PAPOLG: variants seen among roughly 807,000 people sequenced by gnomAD.
PAPOLG encodes poly(A) polymerase gamma.
PAPOLG carries 40 observed loss-of-function variants against 99.0 expected under a neutral mutation model. That is an observed-to-expected ratio of 0.40 (90% CI 0.31 to 0.53). The LOEUF (loss-of-function observed/expected upper bound fraction) is 0.53, where lower values mean the gene tolerates loss of function less well. PAPOLG is among the 20% of genes least tolerant of loss of function. The pLI is 0.41. For missense variants in PAPOLG, 675 were observed against 884.1 expected, an observed-to-expected ratio of 0.76 and a Z score of 3.00; for synonymous variants, 310 against 299.3, an observed-to-expected ratio of 1.04 and a Z score of -0.37.
At chr2:60,769,582 A>G (rs1670786600) in intron 5 of PAPOLG, among the ~76,000 whole-genome samples, 1 of 152,184 alleles carries the variant, frequency 6.6e-6, no homozygotes, top group Non-Finnish European at 1.5e-5. Flanking sequence ...AGACTCAGAA[A>G]ACCTAATGGT....
chr2:60,783,528 T>TTTTTTTA (rs1671264796), intron 13 of PAPOLG, among the ~76,000 whole-genome samples: 1 of 140,472 alleles, frequency 7.1e-6, no homozygotes, highest in South Asian at 2.3e-4. Flanking sequence ...TTTTTTTTTT[T>TTTTTTTA]GAGAAGGAGT....
intron 21 of PAPOLG, 94 bp from the exon 22 acceptor site, chr2:60,796,968 A>G (rs1479156140): frequency 6.6e-7 from 1 of 1,518,982 alleles, no homozygotes; most frequent in African/African-American, 1.4e-5. Flanking sequence ...TTTGGGAGAA[A>G]AACTCCCCAA....
At chr2:60,782,612 A>G (rs1671224231) in intron 11 of PAPOLG, 74 bp from the exon 12 acceptor site, 1 of 1,346,316 alleles carries the variant, frequency 7.4e-7, no homozygotes, top group African/African-American at 1.6e-5. Context: ...GTAGTAGTAG[A>G]GTGATTTAAG....
At chr2:60,772,994 C>G (rs1483372108) in intron 7 of PAPOLG, among the ~76,000 whole-genome samples, 1 of 152,064 alleles carries the variant, frequency 6.6e-6, no homozygotes. Context: ...GGCGCGATCT[C>G]AGCTCTCTGC....
intron 5 of PAPOLG, among the ~76,000 whole-genome samples, chr2:60,769,297 T>C (rs1285630747): frequency 1.3e-5 from 2 of 152,340 alleles, no homozygotes; most frequent in Middle Eastern, 3.4e-3. Context: ...GTTCAGTTAG[T>C]AACTCTTTAT....
chr2:60,776,006 G>A (rs4672403), intron 8 of PAPOLG, among the ~76,000 whole-genome samples: 34,554 of 152,044 alleles, frequency 0.23, 4,349 homozygotes, highest in South Asian at 0.47. Context: ...CTTGTGATCC[G>A]CTCGCCTCGG....
intron 1 of PAPOLG, among the ~76,000 whole-genome samples, chr2:60,756,985 C>G (rs1670365491): frequency 6.6e-6 from 1 of 152,206 alleles, no homozygotes; most frequent in Admixed American, 6.5e-5. Flanking sequence ...CGTCCCCACC[C>G]TCTCCCTCAC....
At chr2:60,774,899 C>T in intron 7 of PAPOLG, 135 bp from the exon 8 acceptor site, 2 of 1,435,068 alleles carry the variant, frequency 1.4e-6, no homozygotes, top group Non-Finnish European at 1.9e-6. Flanking sequence ...TGGTAAATTT[C>T]ATACACATAA....
At chr2:60,782,046 G>A in intron 11 of PAPOLG, 41 bp downstream of exon 11, 1 of 1,590,306 alleles carries the variant, frequency 6.3e-7, no homozygotes, top group South Asian at 1.1e-5. Context: ...ATTCCCACAA[G>A]TTTTTGGTTA....
rs1671730924 is a variant in PAPOLG at position 60,797,057 on chromosome 2, A to G, written c.2113-5A>G. On this transcript the variant is annotated splice_polypyrimidine_tract_variant and splice_region_variant and intron_variant, in intron 21 of 21. Coordinates refer to ENST00000238714, the MANE Select transcript of PAPOLG (RefSeq NM_022894.4). Reference sequence around the variant, plus strand: ...CCTTTTTTGTTTCCTCTTTCTTTCTAATAGAGACTACCCAGTAAAGAACTA... The same window carrying G: ...CCTTTTTTGTTTCCTCTTTCTTTCTGATAGAGACTACCCAGTAAAGAACTA... 1 of 1,612,040 alleles carries G rather than the reference A, an allele frequency of 6.2e-7. No homozygotes were observed. Among genetic ancestry groups the G allele is most frequent in the South Asian group, 1.1e-5 (1 of 91,036 alleles).
chr2:60,780,555 C>A, intron 9 of PAPOLG, 152 bp from the exon 10 acceptor site: 2 of 684,192 alleles, frequency 2.9e-6, no homozygotes, highest in Non-Finnish European at 4.8e-6. Flanking sequence ...GGATTACAGG[C>A]ATGAGCCACC....
At chr2:60,777,047 C>G (rs978833632) in intron 8 of PAPOLG, among the ~76,000 whole-genome samples, 1 of 152,182 alleles carries the variant, frequency 6.6e-6, no homozygotes. Context: ...TCTGCACCTT[C>G]CTCACCTCTC....
At position 60,774,872 on chromosome 2, in the gene PAPOLG, A is replaced by G. The variant is rs147733574; in HGVS notation, c.605-162A>G. On this transcript the variant is annotated intron_variant, in intron 7 of 21. Coordinates refer to ENST00000238714, the MANE Select transcript of PAPOLG (RefSeq NM_022894.4). ...TGTCTTTTTTAATTACCCTAAAGCA[A>G]ACTGATTTCTCATAAGTGGTAAATT... The G allele has an allele frequency of 2.5e-4, 195 of 785,438 alleles. No homozygotes were observed. In the African/African-American group the frequency reaches 3.4e-3, roughly 14 times the overall value. 48.7% of individuals were successfully genotyped at this position (785,438 alleles called of 1,614,324 possible). A position where few individuals can be genotyped will look rare whatever the true frequency, so the allele number is the denominator to read the frequency against.
chr2:60,757,938 AGGCCCGTCATCAT>A (rs904171076), intron 1 of PAPOLG, among the ~76,000 whole-genome samples: 1 of 152,188 alleles, frequency 6.6e-6, no homozygotes, highest in African/African-American at 2.4e-5. Flanking sequence ...TAAAAAAGTG[AGGCCCGTCATCAT>A]GGTGTCAGAG....
At chr2:60,761,554 T>G (rs893020612) in intron 2 of PAPOLG, among the ~76,000 whole-genome samples, 187 bp from the exon 3 acceptor site, 6 of 152,308 alleles carry the variant, frequency 3.9e-5, no homozygotes, top group Non-Finnish European at 5.9e-5. Context: ...TATCACCTCT[T>G]TGGCACTGTT....
chr2:60,772,222 T>C lies in PAPOLG; in HGVS notation c.604+592T>C, dbSNP rs11687486. On this transcript the variant is annotated intron_variant, in intron 7 of 21. Coordinates refer to ENST00000238714, the MANE Select transcript of PAPOLG (RefSeq NM_022894.4). ...CCTTTGGGAGGCCAAGGTGAATGGA[T>C]TACTTGAGCCCAGGAGTTTCCAGAC... Among the ~76,000 whole-genome samples the C allele has an allele frequency of 8.8e-3, 1,341 of 152,186 alleles. 10 individuals carry two copies. Among genetic ancestry groups the C allele is most frequent in the Middle Eastern group, 0.014 (4 of 294 alleles).
intron 3 of PAPOLG, among the ~76,000 whole-genome samples, chr2:60,766,692 A>AAAAC (rs1670685574): frequency 6.6e-6 from 1 of 151,458 alleles, no homozygotes; most frequent in Non-Finnish European, 1.5e-5. Flanking sequence ...AAAAAAAAAA[A>AAAAC]AAACCCAAAA....
intron 1 of PAPOLG, 79 bp from the exon 2 acceptor site, chr2:60,760,055 A>AG (rs1670476850): frequency 7.2e-7 from 1 of 1,384,174 alleles, no homozygotes; most frequent in African/African-American, 1.5e-5. Flanking sequence ...AATTAACATG[A>AG]GTAGATTGAG....
At chr2:60,779,907 C>CT in intron 9 of PAPOLG, 132 bp downstream of exon 9, 1 of 802,660 alleles carries the variant, frequency 1.2e-6, no homozygotes, top group Non-Finnish European at 1.9e-6. Context: ...AAGTATAAAA[C>CT]ATCAACTTTG....
Sources: gnomAD v4.1 joint callset for allele counts (sites outside exome capture counted in the v4.1 genomes callset) on GRCh38, gnomAD v4.1.1 for gene constraint, MANE v1.5 for transcripts, NCBI Gene and HGNC (gene_info 2026-07-23, HGNC 2026-07-21) for gene names.